VIPR2: variants seen among roughly 807,000 people sequenced by gnomAD.
The protein encoded by VIPR2 is vasoactive intestinal peptide receptor 2.
VIPR2 carries 48 observed loss-of-function variants against 58.0 expected under a neutral mutation model. The observed-to-expected ratio is 0.83, with a 90% confidence interval of 0.66 to 1.05. The LOEUF (loss-of-function observed/expected upper bound fraction) is 1.05. Ranked by LOEUF, VIPR2 falls within the 50% of genes least tolerant of loss-of-function variation. The probability of loss-of-function intolerance (pLI) is 0.00; values close to 1 mark genes in which losing one functional copy is unlikely to be tolerated. For missense variants in VIPR2, 534 were observed against 558.0 expected (o/e 0.96, Z 0.43); for synonymous variants, 243 against 235.2 (o/e 1.03, Z -0.30).
chr7:159,074,117 G>A (rs567427343), intron 4 of VIPR2, among the ~76,000 whole-genome samples: 2 of 152,318 alleles, frequency 1.3e-5, no homozygotes, highest in African/African-American at 4.8e-5. Flanking sequence ...TGTGGATCAT[G>A]TAAGTCCATA....
At chr7:159,088,383 C>G (rs1400569357) in intron 4 of VIPR2, among the ~76,000 whole-genome samples, 1 of 152,122 alleles carries the variant, frequency 6.6e-6, no homozygotes, top group Admixed American at 6.5e-5. Context: ...TACCTGTACA[C>G]CACACACAAG....
At chr7:159,037,275 G>A (rs2527185) in intron 6 of VIPR2, among the ~76,000 whole-genome samples, 129,896 of 152,236 alleles carry the variant, frequency 0.85, 56,527 homozygotes, top group East Asian at 1. Flanking sequence ...GCTTCAACAC[G>A]GGAACCCCCG....
chr7:159,047,541 T>C (rs1441904682), intron 5 of VIPR2, among the ~76,000 whole-genome samples: 1 of 152,048 alleles, frequency 6.6e-6, no homozygotes, highest in Non-Finnish European at 1.5e-5. Flanking sequence ...TACTGCAAGG[T>C]CAAAACCCTG....
intron 4 of VIPR2, among the ~76,000 whole-genome samples, chr7:159,077,543 C>A (rs1350897357): frequency 7.0e-6 from 1 of 143,548 alleles, no homozygotes; most frequent in South Asian, 2.3e-4. Context: ...TGAGGTACTA[C>A]AGTGTGCCTG....
Position 159,127,920 on chromosome 7 carries a change from G to C in VIPR2, c.151+14526C>G, listed in dbSNP as rs183227300. On this transcript the variant is annotated intron_variant, in intron 2 of 12. Coordinates refer to ENST00000262178, the MANE Select transcript of VIPR2 (RefSeq NM_003382.5). This position sits in a 1 kb window ranked among gnomAD's most constrained non-coding sequence, Gnocchi z 4.6. ...CATTCAAGGCCTCAAGGCACGGGGA[G>C]TCCTGCCGTGCTATTCCAAGGACAA... 6.6e-6 allele frequency among the ~76,000 whole-genome samples: 1 copy of C among 152,300 alleles called. No homozygotes were observed. The highest frequency in any genetic ancestry group is 1.5e-5 in the Non-Finnish European group (1 of 68,016).
rs568217175 is a variant in VIPR2 at position 159,034,235 on chromosome 7, C to T, written c.949G>A (p.Gly317Ser). The T allele has an allele frequency of 5.8e-4, 933 of 1,614,042 alleles. 16 individuals are homozygous for T. In the South Asian group the frequency reaches 7.9e-3, roughly 14 times the overall value. ...CACTTGTACTGAGACTGGTCGTTGC[C>T]GCCGACATCTGGGGATGTTAACTTC... ...LQKLTSPDVGGNDQSQYKRLA... is the reference protein window; with the variant it reads ...LQKLTSPDVGSNDQSQYKRLA... The change falls in exon 10 of 13, where the codon GGC (glycine) becomes AGC (serine). Residue 317 changes from glycine (G) to serine (S), a missense_variant. Gly to Ser is a moderately conservative substitution (Grantham distance 56). Around this residue, in one of 3 missense-constraint regions of VIPR2, gnomAD observed 306 missense variants for 285.8 expected, o/e 1.07. Coordinates refer to ENST00000262178, the MANE Select transcript of VIPR2 (RefSeq NM_003382.5).
chr7:159,101,696 G>A (rs1418411642), intron 4 of VIPR2, among the ~76,000 whole-genome samples: 6 of 148,286 alleles, frequency 4.0e-5, no homozygotes, highest in African/African-American at 1.3e-4. Context: ...CACGAGATCC[G>A]ACGAGGCGGT....
In VIPR2 at chr7:159,096,033, C is replaced by A. The variant is rs544462071; in HGVS notation, c.357+7724G>T. 8.1e-4 allele frequency among the ~76,000 whole-genome samples: 123 copies of A among 152,238 alleles called. 1 individual carries two copies. The highest frequency in any genetic ancestry group is 2.9e-3 in the African/African-American group (121 of 41,550). On this transcript the variant is annotated intron_variant, in intron 4 of 12. Coordinates refer to ENST00000262178, the MANE Select transcript of VIPR2 (RefSeq NM_003382.5). This position sits in a 1 kb window ranked among gnomAD's most constrained non-coding sequence, Gnocchi z 5.5. ...AGGACGCACACCTTCTCAGAACCAG[C>A]GCCCCTGCCCCACCCACCTGTGGAG... is the stretch of plus-strand genomic sequence containing the variant.
At position 159,099,668 on chromosome 7, in the gene VIPR2, C is replaced by G. The variant is rs1484708857; in HGVS notation, c.357+4089G>C. On this transcript the variant is annotated intron_variant, in intron 4 of 12. Transcript: ENST00000262178. The surrounding 1 kb of genome is among the most constrained non-coding windows in gnomAD (Gnocchi z 4.2). ...TCTGCTCTTCACCAGCACCTCTGTC[C>G]TAATGTCTCCCAGGCACAGTTGCCG... is the stretch of plus-strand genomic sequence containing the variant. Among the ~76,000 whole-genome samples, 1 of 152,242 alleles carries G rather than the reference C, an allele frequency of 6.6e-6. No homozygotes were observed. The highest frequency in any genetic ancestry group is 6.5e-5 in the Admixed American group (1 of 15,294).
intron 4 of VIPR2, among the ~76,000 whole-genome samples, chr7:159,074,763 G>A (rs1279361596): frequency 1.3e-5 from 2 of 152,146 alleles, no homozygotes; most frequent in Non-Finnish European, 2.9e-5. Flanking sequence ...TGAGGTGGGA[G>A]GATTGCTTGA....
In VIPR2 at chr7:159,096,794, C is replaced by T. The variant is rs75958105; in HGVS notation, c.357+6963G>A. The T allele has an allele frequency of 0.013, 18,440 of 1,427,768 alleles. 192 individuals are homozygous for T. The highest frequency in any genetic ancestry group is 0.042 in the Admixed American group (1,514 of 36,236). The allele number at this position is 1,427,768 out of a possible 1,614,324, so 88.4% of individuals were successfully genotyped here. On this transcript the variant is annotated intron_variant, in intron 4 of 12. Coordinates refer to ENST00000262178, the MANE Select transcript of VIPR2 (RefSeq NM_003382.5). This position sits in a 1 kb window ranked among gnomAD's most constrained non-coding sequence, Gnocchi z 5.5. The stretch of plus-strand genomic sequence containing the variant: ...CCCCTGCCTGAGGTCAGTCTCGTGG[C>T]CCCCGCAGCAGCCACAGGCCCAGCT...
In VIPR2 at chr7:159,031,476, C is replaced by A. The variant is rs1161530226; in HGVS notation, c.1143+352G>T. On this transcript the variant is annotated intron_variant, in intron 12 of 12. Transcript: ENST00000262178. This position sits in a 1 kb window ranked among gnomAD's most constrained non-coding sequence, Gnocchi z 4.0. ...GCAGCCCCACCCCCCAACCCAGGCCCGGCTTTCTGGGACTCACAAGCTATG... is the reference window on the plus strand; with the variant it reads ...GCAGCCCCACCCCCCAACCCAGGCCAGGCTTTCTGGGACTCACAAGCTATG... 2 of 985,258 alleles carry A rather than the reference C, an allele frequency of 2.0e-6. No homozygotes were observed. The highest frequency in any genetic ancestry group is 1.2e-6 in the Non-Finnish European group (1 of 829,924). The allele number at this position is 985,258 out of a possible 1,614,324, so 61.0% of individuals were successfully genotyped here. A position where few individuals can be genotyped will look rare whatever the true frequency, so the allele number is the denominator to read the frequency against.
At chr7:159,053,547 TTTG>T (rs955846837) in intron 5 of VIPR2, among the ~76,000 whole-genome samples, 1 of 152,154 alleles carries the variant, frequency 6.6e-6, no homozygotes, top group African/African-American at 2.4e-5. Context: ...TTTTGTTTTT[TTTG>T]TTTTTTTGAG....
In VIPR2 at chr7:159,096,985, G is replaced by C; in HGVS notation, c.357+6772C>G. The C allele has an allele frequency of 1.3e-6, 2 of 1,550,590 alleles. No homozygotes were observed. Among genetic ancestry groups the C allele is most frequent in the Non-Finnish European group, 8.7e-7 (1 of 1,146,976 alleles). On this transcript the variant is annotated intron_variant, in intron 4 of 12. Transcript: ENST00000262178. This position sits in a 1 kb window ranked among gnomAD's most constrained non-coding sequence, Gnocchi z 5.5. ...CTGGGCCTGAGGACCATGAGGGGAG[G>C]CTTCCTTCAGAAAAGCTGCTGCTCT...
chr7:159,135,004 G>GTTTTTTGTTTTTTTTTT (rs1416758329), intron 2 of VIPR2, among the ~76,000 whole-genome samples: 2 of 65,992 alleles, frequency 3.0e-5, no homozygotes, highest in African/African-American at 1.3e-4. Flanking sequence ...AATTACAAAA[G>GTTTTTTGTTTTTTTTTT]TTTTTTTTTT....
rs111501465 is a variant in VIPR2, at chr7:159,097,378, C to T, written c.357+6379G>A. ...AGCAGACGTGCTCTTTATGTAAGAA[C>T]GGAGTTAACCAGTATGTAACACAGA... On this transcript the variant is annotated intron_variant, in intron 4 of 12. Coordinates refer to ENST00000262178, the MANE Select transcript of VIPR2 (RefSeq NM_003382.5). The surrounding 1 kb of genome is among the most constrained non-coding windows in gnomAD (Gnocchi z 5.3). Among the ~76,000 whole-genome samples the T allele has an allele frequency of 3.3e-5, 5 of 152,214 alleles. No individual in the cohort carries two copies. Among genetic ancestry groups the T allele is most frequent in the African/African-American group, 9.6e-5 (4 of 41,454 alleles).
intron 4 of VIPR2, among the ~76,000 whole-genome samples, chr7:159,062,322 T>C (rs575441997): frequency 6.6e-5 from 10 of 152,230 alleles, no homozygotes; most frequent in South Asian, 4.1e-4. Context: ...GGGTTTTTGG[T>C]CTCACTGACT....
intron 5 of VIPR2, among the ~76,000 whole-genome samples, chr7:159,055,467 G>T (rs1855263319): frequency 6.6e-6 from 1 of 152,078 alleles, no homozygotes; most frequent in African/African-American, 2.4e-5. Context: ...GGTAAGCAAA[G>T]AATTGTAAAT....
intron 4 of VIPR2, among the ~76,000 whole-genome samples, chr7:159,103,069 C>A (rs76544225): frequency 6.6e-6 from 1 of 152,196 alleles, no homozygotes; most frequent in Non-Finnish European, 1.5e-5. Context: ...GAAGTTTGCA[C>A]GGATGGACCA....
Sources: gnomAD v4.1 joint callset for allele counts (sites outside exome capture counted in the v4.1 genomes callset) on GRCh38, gnomAD v4.1.1 for gene constraint, gnomAD v4.1.1 regional missense constraint, Gnocchi (gnomAD v3.1) non-coding constraint, MANE v1.5 for transcripts, NCBI Gene and HGNC (gene_info 2026-07-23, HGNC 2026-07-21) for gene names.